The following TAF4B variants were observed in gnomAD, a reference collection of about 807,000 sequenced individuals.
The protein encoded by TAF4B is transcription initiation factor TFIID subunit 4B.
In TAF4B, 38 loss-of-function variants were observed where a neutral mutation model predicts 86.4. The observed-to-expected ratio is 0.44, with a 90% CI of 0.34 to 0.58. The LOEUF (loss-of-function observed/expected upper bound fraction) is 0.58, where lower values mean the gene tolerates loss of function less well. TAF4B is among the 20% of genes least tolerant of loss of function. The probability of loss-of-function intolerance (pLI) is 0.02; values close to 1 mark genes in which losing one functional copy is unlikely to be tolerated. For synonymous variants in TAF4B, 388 were observed against 391.2 expected (o/e 0.99, Z 0.10); for missense variants, 988 against 1,027.6 (o/e 0.96, Z 0.53).
At chr18:26,271,989 A>G (rs1245650540) in intron 3 of TAF4B, among the ~76,000 whole-genome samples, 1 of 91,826 alleles carries the variant, frequency 1.1e-5, no homozygotes, top group Non-Finnish European at 3.1e-5. Context: ...AGGCGAAAAG[A>G]AAAAAAAAAC....
intron 1 of TAF4B, among the ~76,000 whole-genome samples, chr18:26,234,637 G>A (rs2055721288): frequency 6.6e-6 from 1 of 152,128 alleles, no homozygotes; most frequent in African/African-American, 2.4e-5. Flanking sequence ...GACTTTCATC[G>A]ATATATAGGT....
intron 1 of TAF4B, among the ~76,000 whole-genome samples, chr18:26,257,149 T>C (rs999464421): frequency 3.9e-5 from 6 of 152,210 alleles, no homozygotes; most frequent in Admixed American, 2.0e-4. Context: ...TTGCTGCTTT[T>C]CTGTTTAGTT....
At chr18:26,243,218 C>T (rs2055867978) in intron 1 of TAF4B, among the ~76,000 whole-genome samples, 1 of 152,208 alleles carries the variant, frequency 6.6e-6, no homozygotes, top group Non-Finnish European at 1.5e-5. Flanking sequence ...CTTTCAGGTA[C>T]ACCAATCAGA....
intron 10 of TAF4B, among the ~76,000 whole-genome samples, chr18:26,318,770 A>G (rs1290944591): frequency 6.6e-6 from 1 of 152,238 alleles, no homozygotes; most frequent in Non-Finnish European, 1.5e-5. Context: ...AAGACATTAC[A>G]ACATTTGGTT....
chr18:26,243,731 G>C (rs1234666044), intron 1 of TAF4B, among the ~76,000 whole-genome samples: 1 of 152,142 alleles, frequency 6.6e-6, no homozygotes, highest in East Asian at 1.9e-4. Flanking sequence ...GTCTACCTTT[G>C]GTCTTTGATG....
intron 11 of TAF4B, among the ~76,000 whole-genome samples, chr18:26,325,958 T>C (rs1414498765): frequency 1.3e-5 from 2 of 152,200 alleles, no homozygotes; most frequent in African/African-American, 2.4e-5. Flanking sequence ...ATGAAATCCC[T>C]CAGTCACAGT....
intron 9 of TAF4B, among the ~76,000 whole-genome samples, chr18:26,294,608 AAT>A (rs1169768778): frequency 6.8e-6 from 1 of 148,000 alleles, no homozygotes; most frequent in Non-Finnish European, 1.5e-5. Context: ...TATATGTACA[AAT>A]ATATAAACAA....
At chr18:26,308,159 C>T (rs1042102912) in intron 9 of TAF4B, among the ~76,000 whole-genome samples, 2 of 151,932 alleles carry the variant, frequency 1.3e-5, no homozygotes, top group South Asian at 2.1e-4. Flanking sequence ...GAGGCTGAGG[C>T]GGGAGAATGA....
intron 3 of TAF4B, among the ~76,000 whole-genome samples, chr18:26,274,282 A>G (rs992793799): frequency 2.0e-5 from 3 of 152,190 alleles, no homozygotes; most frequent in African/African-American, 7.2e-5. Context: ...TCTCATAAAG[A>G]CTTTCAGATA....
At chr18:26,367,951 T>G (rs1020958486) in intron 14 of TAF4B, among the ~76,000 whole-genome samples, 3 of 152,196 alleles carry the variant, frequency 2.0e-5, no homozygotes. Flanking sequence ...GCAGTAGATA[T>G]GATCAATCAC....
At chr18:26,362,391 T>C (rs1049317761) in intron 14 of TAF4B, among the ~76,000 whole-genome samples, 1 of 152,248 alleles carries the variant, frequency 6.6e-6, no homozygotes, top group Non-Finnish European at 1.5e-5. Flanking sequence ...GTAGCATTAA[T>C]GGCCCATAGT....
intron 2 of TAF4B, among the ~76,000 whole-genome samples, chr18:26,266,441 A>G (rs975110747): frequency 2.0e-5 from 3 of 152,162 alleles, no homozygotes; most frequent in African/African-American, 7.2e-5. Flanking sequence ...TATCTTACAG[A>G]AATTATCTTT....
chr18:26,362,369 A>G (rs1319674939), intron 14 of TAF4B, among the ~76,000 whole-genome samples: 1 of 152,224 alleles, frequency 6.6e-6, no homozygotes, highest in Non-Finnish European at 1.5e-5. Context: ...GGCTTTTAAT[A>G]GTATTTTATC....
intron 14 of TAF4B, among the ~76,000 whole-genome samples, chr18:26,358,627 G>A (rs562119696): frequency 5.3e-5 from 8 of 152,222 alleles, no homozygotes; most frequent in East Asian, 3.9e-4. Flanking sequence ...GGAGAATGGC[G>A]TGAACCCGGA....
At chr18:26,302,371 A>ATTTTTTTTTTTTTTTTTTTTTTTTTTTT (rs66683595) in intron 9 of TAF4B, among the ~76,000 whole-genome samples, 1 of 93,076 alleles carries the variant, frequency 1.1e-5, no homozygotes, top group Non-Finnish European at 2.0e-5. Context: ...TTCATATTAA[A>ATTTTTTTTTTTTTTTTTTTTTTTTTTTT]TTTTTTTTTT....
chr18:26,374,899 G>T (rs2057432442), intron 14 of TAF4B, among the ~76,000 whole-genome samples: 1 of 152,126 alleles, frequency 6.6e-6, no homozygotes. Flanking sequence ...TGGCTTATCA[G>T]GTGTGTGCCA....
intron 11 of TAF4B, among the ~76,000 whole-genome samples, chr18:26,324,767 C>T (rs1044160639): frequency 6.6e-6 from 1 of 152,036 alleles, no homozygotes; most frequent in Non-Finnish European, 1.5e-5. Flanking sequence ...TCTACATTTG[C>T]GTATATATAA....
chr18:26,282,314 TATAC>T (rs544127476), intron 6 of TAF4B, among the ~76,000 whole-genome samples: 41 of 152,304 alleles, frequency 2.7e-4, no homozygotes, highest in Non-Finnish European at 5.0e-4. Flanking sequence ...TGTATGAGAA[TATAC>T]AGACATACCA....
intron 1 of TAF4B, chr18:26,256,173 C>T: frequency 6.2e-7 from 1 of 1,610,720 alleles, no homozygotes; most frequent in Non-Finnish European, 8.5e-7. Context: ...CTTCTTCCAT[C>T]TTTTCACAAG....
Sources: allele counts gnomAD v4.1 joint callset (sites outside exome capture counted in the v4.1 genomes callset), GRCh38; gene constraint gnomAD v4.1.1; transcripts MANE v1.5; gene names NCBI Gene and HGNC (gene_info 2026-07-23, HGNC 2026-07-21).